Variants in SAMD5 observed in about 807,000 individuals in gnomAD.
The protein encoded by SAMD5 is sterile alpha motif domain-containing protein 5.
In SAMD5, 13 loss-of-function variants were observed where a neutral mutation model predicts 11.3. The ratio of observed to expected loss-of-function variants is 1.15; its 90% CI spans 0.75 to 1.83. SAMD5 has a LOEUF of 1.83. SAMD5 is among the 40% of genes most tolerant of loss of function. The probability of loss-of-function intolerance (pLI) is 0.00; values close to 1 mark genes in which losing one functional copy is unlikely to be tolerated. For missense variants in SAMD5, 255 were observed against 239.1 expected, an observed-to-expected ratio of 1.07 and a Z score of -0.44; for synonymous variants, 129 against 111.3, an observed-to-expected ratio of 1.16 and a Z score of -1.00.
the SAMD5 span, among the ~76,000 whole-genome samples, chr6:147,950,923 T>C: frequency 1.3e-5 from 2 of 151,808 alleles, no homozygotes; most frequent in African/African-American, 4.8e-5. Context: ...CCCACCGTCG[T>C]TCTGGAAGGG....
chr6:147,669,420 C>CTTTTT (rs55877273), intron 1 of SAMD5, among the ~76,000 whole-genome samples: 21 of 74,510 alleles, frequency 2.8e-4, no homozygotes, highest in African/African-American at 4.2e-4. Context: ...AGCTCCACTT[C>CTTTTT]TTTTTTTTTT....
chr6:147,765,095 A>G, the SAMD5 span, among the ~76,000 whole-genome samples: 1 of 152,330 alleles, frequency 6.6e-6, no homozygotes, highest in Admixed American at 6.5e-5. Flanking sequence ...ATTTTACGCT[A>G]CTAAATGGCT....
chr6:147,830,469 C>G, the SAMD5 span, among the ~76,000 whole-genome samples: 1 of 151,862 alleles, frequency 6.6e-6, no homozygotes, highest in Non-Finnish European at 1.5e-5. Context: ...GTAAGCCAGG[C>G]TGGTCTCAAA....
chr6:147,684,255 A>G (rs896919532), intron 1 of SAMD5, among the ~76,000 whole-genome samples: 1 of 152,036 alleles, frequency 6.6e-6, no homozygotes, highest in African/African-American at 2.4e-5. Context: ...AGATTCCTCC[A>G]TGTTATTGCT....
At chr6:147,586,696 A>G (rs1427009085) in intron 1 of SAMD5, among the ~76,000 whole-genome samples, 1 of 151,622 alleles carries the variant, frequency 6.6e-6, no homozygotes, top group Non-Finnish European at 1.5e-5. Context: ...AAAAAGATAT[A>G]AATAATATAA....
chr6:147,811,765 G>T, the SAMD5 span, among the ~76,000 whole-genome samples: 1 of 152,188 alleles, frequency 6.6e-6, no homozygotes, highest in South Asian at 2.1e-4. Flanking sequence ...TCACTGGAAG[G>T]ATTGTGTAGC....
At chr6:147,883,839 T>A in the SAMD5 span, among the ~76,000 whole-genome samples, 36 of 152,306 alleles carry the variant, frequency 2.4e-4, no homozygotes, top group South Asian at 7.2e-3. Flanking sequence ...GAAATGAGTG[T>A]GAATATTTGC....
chr6:147,792,048 G>A, the SAMD5 span, among the ~76,000 whole-genome samples: 1,186 of 152,276 alleles, frequency 7.8e-3, 18 homozygotes, highest in Middle Eastern at 0.041. Context: ...TACAAAGAGT[G>A]CCTCTTACTA....
At chr6:147,943,515 GCTCCTCCTC>G in the SAMD5 span, among the ~76,000 whole-genome samples, 1 of 150,872 alleles carries the variant, frequency 6.6e-6, no homozygotes, top group Non-Finnish European at 1.5e-5. Context: ...CATTCTGAGG[GCTCCTCCTC>G]CTCCTCCTCC....
the SAMD5 span, among the ~76,000 whole-genome samples, chr6:147,882,377 G>C: frequency 4.6e-5 from 7 of 152,160 alleles, no homozygotes; most frequent in Non-Finnish European, 2.9e-5. Flanking sequence ...CAAAGGAATG[G>C]AAAAGTCACA....
At chr6:147,787,774 T>C in the SAMD5 span, among the ~76,000 whole-genome samples, 2 of 152,242 alleles carry the variant, frequency 1.3e-5, no homozygotes, top group Non-Finnish European at 2.9e-5. Flanking sequence ...AAAAAAGATT[T>C]GGAAAAGATG....
chr6:147,877,782 T>A, the SAMD5 span, among the ~76,000 whole-genome samples: 1 of 151,638 alleles, frequency 6.6e-6, no homozygotes, highest in African/African-American at 2.4e-5. Flanking sequence ...ATTTTGGGCT[T>A]GTAAGCCCCT....
intron 1 of SAMD5, among the ~76,000 whole-genome samples, chr6:147,681,877 G>A (rs1196311034): frequency 2.0e-5 from 3 of 152,146 alleles, no homozygotes; most frequent in Non-Finnish European, 4.4e-5. Context: ...GGTGGGAAAA[G>A]AGGCTGCTTC....
At chr6:147,910,439 G>A in the SAMD5 span, among the ~76,000 whole-genome samples, 3 of 152,144 alleles carry the variant, frequency 2.0e-5, no homozygotes, top group East Asian at 1.9e-4. Flanking sequence ...CTCTCCGGGC[G>A]CAGCGGTGCC....
chr6:147,863,401 A>G, the SAMD5 span, among the ~76,000 whole-genome samples: 1 of 152,220 alleles, frequency 6.6e-6, no homozygotes, highest in African/African-American at 2.4e-5. Flanking sequence ...AAGATAAGAC[A>G]TAACTCTTCA....
At chr6:147,576,421 G>T (rs1490357888) in intron 1 of SAMD5, among the ~76,000 whole-genome samples, 1 of 152,182 alleles carries the variant, frequency 6.6e-6, no homozygotes, top group African/African-American at 2.4e-5. Flanking sequence ...TTACAGGCGT[G>T]AGCCACTGTG....
chr6:147,711,504 C>G lies in SAMD5; in HGVS notation c.163-25813C>G, dbSNP rs566758835. On this transcript the variant is annotated intron_variant, in intron 1 of 1. Coordinates refer to the SAMD5 transcript ENST00000566741. The surrounding 1 kb of genome is among the most constrained non-coding windows in gnomAD (Gnocchi z 4.1). ...CACTTTAGGCTGAAATAGAAAGAAG[C>G]TCAAAACAAACCCACTGGCCTATTT... is the stretch of plus-strand genomic sequence containing the variant. Among the ~76,000 whole-genome samples, 5 of 152,296 alleles carry G rather than the reference C, an allele frequency of 3.3e-5. No individual in the cohort carries two copies. In the South Asian group the frequency reaches 1.0e-3, roughly 32 times the overall value.
the SAMD5 span, among the ~76,000 whole-genome samples, chr6:147,808,220 A>G: frequency 0.18 from 27,026 of 152,116 alleles, 2,616 homozygotes; most frequent in Middle Eastern, 0.25. Flanking sequence ...TTATTTTTTT[A>G]GAGACTGGGT....
chr6:147,954,142 G>GT, the SAMD5 span, among the ~76,000 whole-genome samples: 2 of 152,040 alleles, frequency 1.3e-5, no homozygotes, highest in Non-Finnish European at 2.9e-5. Flanking sequence ...TGTTTCCTTT[G>GT]TTTTCACTGA....
Sources: gnomAD v4.1 joint callset for allele counts (sites outside exome capture counted in the v4.1 genomes callset) on GRCh38, gnomAD v4.1.1 for gene constraint, Gnocchi (gnomAD v3.1) non-coding constraint, MANE v1.5 for transcripts, NCBI Gene and HGNC (gene_info 2026-07-23, HGNC 2026-07-21) for gene names.